Variants in ZFYVE16 observed in about 807,000 individuals in gnomAD.
ZFYVE16 encodes the protein zinc finger FYVE domain-containing protein 16.
In ZFYVE16, 89 loss-of-function variants were observed where a neutral mutation model predicts 138.1. The ratio of observed to expected loss-of-function variants is 0.64; its 90% CI spans 0.54 to 0.77. ZFYVE16 has a LOEUF of 0.77. ZFYVE16 is among the 30% of genes least tolerant of loss of function. The pLI is 0.00. For missense variants in ZFYVE16, 1,793 were observed against 1,786.7 expected, an observed-to-expected ratio of 1.00 and a Z score of -0.06; for synonymous variants, 596 against 618.3, an observed-to-expected ratio of 0.96 and a Z score of 0.53.
At chr5:80,471,650 C>T (rs1754393935) in intron 15 of ZFYVE16, among the ~76,000 whole-genome samples, 1 of 152,214 alleles carries the variant, frequency 6.6e-6, no homozygotes, top group South Asian at 2.1e-4. Context: ...TATTATTTCT[C>T]AACCTGCTGA....
At chr5:80,463,595 T>G (rs1424334015) in intron 15 of ZFYVE16, among the ~76,000 whole-genome samples, 1 of 152,224 alleles carries the variant, frequency 6.6e-6, no homozygotes, top group Non-Finnish European at 1.5e-5. Context: ...TTCTCATTAC[T>G]TAATGCAAAT....
At chr5:80,471,880 C>T (rs186099380) in intron 15 of ZFYVE16, among the ~76,000 whole-genome samples, 11 of 152,200 alleles carry the variant, frequency 7.2e-5, no homozygotes, top group East Asian at 3.9e-4. Flanking sequence ...AGGTGTTTAC[C>T]GGTCCACACT....
At chr5:80,428,494 CA>C (rs930048219) in intron 2 of ZFYVE16, among the ~76,000 whole-genome samples, 1 of 152,150 alleles carries the variant, frequency 6.6e-6, no homozygotes, top group African/African-American at 2.4e-5. Context: ...GATAAAACCA[CA>C]AAGATGGGGA....
At chr5:80,441,183 A>AT in intron 5 of ZFYVE16, 2 of 985,436 alleles carry the variant, frequency 2.0e-6, no homozygotes, top group Non-Finnish European at 2.4e-6. Context: ...CTCCCATATA[A>AT]TTATCTCCCC....
chr5:80,434,106 T>C lies in ZFYVE16; in HGVS notation c.-39-3T>C. On this transcript the variant is annotated splice_polypyrimidine_tract_variant and splice_region_variant and intron_variant, in intron 2 of 18. Transcript: ENST00000505560. ...AAATATTATTATACTTTCTATTTTT[T>C]AGGCATACAAGAATTAAATTCTGAA... 6.4e-7 allele frequency: 1 copy of C among 1,553,064 alleles called. No homozygotes were observed.
intron 7 of ZFYVE16, among the ~76,000 whole-genome samples, chr5:80,447,512 A>C (rs1245627152): frequency 6.6e-6 from 1 of 152,166 alleles, no homozygotes; most frequent in Non-Finnish European, 1.5e-5. Context: ...GACTTTGTAC[A>C]GTCTAAAAAG....
rs1345615295 is a variant in ZFYVE16, at chr5:80,474,611, A to G, written c.4294-52A>G. The G allele has an allele frequency of 1.8e-5, 27 of 1,527,362 alleles. No individual in the cohort carries two copies. The East Asian group carries it at 5.7e-4, about 32-fold the overall frequency. The allele number at this position is 1,527,362 out of a possible 1,614,324, so 94.6% of individuals were successfully genotyped here. On this transcript the variant is annotated intron_variant, in intron 17 of 18. Transcript: ENST00000505560. ...TAAACTTGAAAGCAGCAATTGTTGC[A>G]TTTTAAAGTTACTTTTAATCATGAC...
At chr5:80,465,396 CTTTGTTT>C (rs1554050786) in intron 15 of ZFYVE16, among the ~76,000 whole-genome samples, 1 of 26,378 alleles carries the variant, frequency 3.8e-5, no homozygotes, top group African/African-American at 8.4e-5. Flanking sequence ...TTTTCCTTTT[CTTTGTTT>C]TTTTTTTTTT....
In ZFYVE16 at chr5:80,456,575, A is replaced by G; in HGVS notation, c.3795+10A>G. 6.3e-7 allele frequency: 1 copy of G among 1,591,696 alleles called. No individual in the cohort carries two copies. The highest frequency in any genetic ancestry group is 8.6e-7 in the Non-Finnish European group (1 of 1,164,192). ...GAAAAAGTACAGTGATGTAAGTATAATTGTTTTATTCAAATGACAATTATT... is the reference window on the plus strand; with the variant it reads ...GAAAAAGTACAGTGATGTAAGTATAGTTGTTTTATTCAAATGACAATTATT... On this transcript the variant is annotated intron_variant, in intron 13 of 18. Coordinates refer to ENST00000505560, the MANE Select transcript of ZFYVE16 (RefSeq NM_001284236.3).
At chr5:80,469,642 A>ATG (rs1344552836) in intron 15 of ZFYVE16, among the ~76,000 whole-genome samples, 1 of 151,702 alleles carries the variant, frequency 6.6e-6, no homozygotes, top group Non-Finnish European at 1.5e-5. Flanking sequence ...CTGTCACTGT[A>ATG]TGTGTGTGTG....
At chr5:80,469,726 T>C (rs1754109234) in intron 15 of ZFYVE16, among the ~76,000 whole-genome samples, 1 of 152,082 alleles carries the variant, frequency 6.6e-6, no homozygotes, top group Non-Finnish European at 1.5e-5. Context: ...TTCTTGATGC[T>C]CTGCTCATTT....
At chr5:80,421,388 G>A (rs1747145516) in intron 1 of ZFYVE16, among the ~76,000 whole-genome samples, 1 of 152,104 alleles carries the variant, frequency 6.6e-6, no homozygotes, top group Non-Finnish European at 1.5e-5. Context: ...TGTCCTGAAT[G>A]GTATTGCCTA....
Position 80,479,515 on chromosome 5 carries a change from A to C in ZFYVE16, c.*2138A>C, listed in dbSNP as rs1478176389. 6.6e-6 allele frequency among the ~76,000 whole-genome samples: 1 copy of C among 152,214 alleles called. No homozygotes were observed. The highest frequency in any genetic ancestry group is 1.5e-5 in the Non-Finnish European group (1 of 68,020). On this transcript the variant is annotated 3_prime_UTR_variant, in exon 19 of 19. Coordinates refer to ENST00000505560, the MANE Select transcript of ZFYVE16 (RefSeq NM_001284236.3). Reference sequence around the variant, plus strand: ...TCCATGCCACAAGTAGTATGCGCTTAAGTGCAGAGCATGCCAAGAGAAAGA... The same window carrying C: ...TCCATGCCACAAGTAGTATGCGCTTCAGTGCAGAGCATGCCAAGAGAAAGA...
At chr5:80,451,994 A>C in intron 11 of ZFYVE16, 1 of 304,358 alleles carries the variant, frequency 3.3e-6, no homozygotes, top group Non-Finnish European at 6.0e-6. Flanking sequence ...TGAGTATGCC[A>C]TATCTGAAAT....
In ZFYVE16 at chr5:80,456,494, A is replaced by G. The variant is rs770862235; in HGVS notation, c.3724A>G (p.Ile1242Val). ...LRNYQYTLHN[I>V]DQLLIHMEMG... ...AAATTACCAGTATACCTTGCATAAT[A>G]TAGATCAACTGTTGATTCATATGGA... Residue 1242 changes from isoleucine (I) to valine (V), a missense_variant, in exon 13 of 19, where the codon ATA (isoleucine) becomes GTA (valine). Ile to Val is a conservative substitution (Grantham distance 29). Transcript: ENST00000505560. 37 of 1,613,024 alleles carry G rather than the reference A, an allele frequency of 2.3e-5. No homozygotes were observed. Among genetic ancestry groups the G allele is most frequent in the Admixed American group, 3.3e-5 (2 of 59,886 alleles).
At chr5:80,424,998 G>A (rs1452684315) in intron 1 of ZFYVE16, among the ~76,000 whole-genome samples, 2 of 152,118 alleles carry the variant, frequency 1.3e-5, no homozygotes, top group Non-Finnish European at 2.9e-5. Flanking sequence ...TCTATCTTTG[G>A]GGTTTAGTAG....
Position 80,410,034 on chromosome 5 carries a change from A to T in ZFYVE16, c.-94+1881A>T, listed in dbSNP as rs922211223. 2.0e-5 allele frequency: 3 copies of T among 151,072 alleles called. No individual in the cohort carries two copies. In the South Asian group the frequency reaches 6.2e-4, roughly 31 times the overall value. 9.4% of individuals were successfully genotyped at this position (151,072 alleles called of 1,614,324 possible). On this transcript the variant is annotated intron_variant, in intron 1 of 18. Coordinates refer to ENST00000505560, the MANE Select transcript of ZFYVE16 (RefSeq NM_001284236.3). ...CTGTATAATTTGCTTTTGTGCACTAATGTTGGTGTTTAGATTGTTTCAACT... is the reference window on the plus strand; with the variant it reads ...CTGTATAATTTGCTTTTGTGCACTATTGTTGGTGTTTAGATTGTTTCAACT...
chr5:80,440,400 G>A, intron 5 of ZFYVE16: 2 of 989,946 alleles, frequency 2.0e-6, no homozygotes, highest in Non-Finnish European at 2.4e-6. Flanking sequence ...TCAATATTAT[G>A]TATTAATAGC....
chr5:80,463,857 G>C (rs978262108), intron 15 of ZFYVE16, among the ~76,000 whole-genome samples: 13 of 152,238 alleles, frequency 8.5e-5, no homozygotes, highest in African/African-American at 3.1e-4. Flanking sequence ...AAGTTCCTCA[G>C]ATCTCTAGGG....
Sources: allele counts gnomAD v4.1 joint callset (sites outside exome capture counted in the v4.1 genomes callset), GRCh38; gene constraint gnomAD v4.1.1; transcripts MANE v1.5; gene names NCBI Gene and HGNC (gene_info 2026-07-23, HGNC 2026-07-21).